Variants in ANHX observed in about 807,000 individuals in gnomAD.
ANHX encodes anomalous homeobox protein.
In ANHX, 20 loss-of-function variants were observed where a neutral mutation model predicts 38.9. That is an observed-to-expected ratio of 0.51 (90% CI 0.36 to 0.75). The LOEUF (loss-of-function observed/expected upper bound fraction) is 0.75, where lower values mean the gene tolerates loss of function less well. Among genes scored for constraint, ANHX ranks in the 30% least tolerant of loss-of-function variants. ANHX has a pLI of 0.00. For missense variants in ANHX, 475 were observed against 493.1 expected, an observed-to-expected ratio of 0.96 and a Z score of 0.35; for synonymous variants, 185 against 203.1, an observed-to-expected ratio of 0.91 and a Z score of 0.76.
At chr12:133,231,747 T>C (rs1957281644) in intron 2 of ANHX, 103 bp from the exon 3 acceptor site, 4 of 1,391,470 alleles carry the variant, frequency 2.9e-6, no homozygotes, top group South Asian at 2.7e-5. Flanking sequence ...GGGAAGGCAG[T>C]GATGGGAAGA....
At chr12:133,219,676 A>G (rs1352349569) in intron 8 of ANHX, among the ~76,000 whole-genome samples, 1 of 152,176 alleles carries the variant, frequency 6.6e-6, no homozygotes, top group Admixed American at 6.5e-5. Flanking sequence ...GCCGGGATGC[A>G]CGGCACAGTC....
At chr12:133,234,086 T>C in intron 2 of ANHX, 22 bp downstream of exon 2, 1 of 1,533,984 alleles carries the variant, frequency 6.5e-7, no homozygotes, top group Non-Finnish European at 8.7e-7. Flanking sequence ...CTCTGTACCC[T>C]ACCCCTGTAG....
At position 133,231,461 on chromosome 12, in the gene ANHX, C is replaced by T. The variant is rs909835614; in HGVS notation, c.377+56G>A. On this transcript the variant is annotated intron_variant, in intron 3 of 9. Coordinates refer to ENST00000545940, the MANE Select transcript of ANHX (RefSeq NM_001372060.1). ...CAGCCCCTCTGGGCTTTGCATGGTA[C>T]ATCTAATCCCTTGGGATCCCCATGA... The T allele has an allele frequency of 5.2e-6, 8 of 1,531,980 alleles. No homozygotes were observed. The African/African-American group carries it at 1.1e-4, about 21-fold the overall frequency. The allele number at this position is 1,531,980 out of a possible 1,614,324, so 94.9% of individuals were successfully genotyped here.
At chr12:133,231,017 C>G (rs955094844) in intron 3 of ANHX, among the ~76,000 whole-genome samples, 1 of 152,328 alleles carries the variant, frequency 6.6e-6, no homozygotes, top group African/African-American at 2.4e-5. Context: ...GTAACTCATG[C>G]TAACACTGGC....
intron 2 of ANHX, among the ~76,000 whole-genome samples, 188 bp downstream of exon 2, chr12:133,233,920 A>C (rs1312707380): frequency 6.6e-6 from 1 of 152,228 alleles, no homozygotes; most frequent in Non-Finnish European, 1.5e-5. Context: ...GTTAGAGCTT[A>C]GTAATGTGAG....
rs1297011085 is a variant in ANHX, at chr12:133,226,957, C to G, written c.697G>C (p.Val233Leu). The change falls in exon 5 of 10, where the codon GTG becomes CTG. Residue 233 changes from valine to leucine, a missense_variant. Coordinates refer to ENST00000545940, the MANE Select transcript of ANHX (RefSeq NM_001372060.1). ...SGNPRVDSGF[V>L]DRPQWSEERE... ...TCACCTGACCACTGAGGCCTGTCCACAAACCCAGAGTCAACACGGGGGTTG... is the reference window on the plus strand; with the variant it reads ...TCACCTGACCACTGAGGCCTGTCCAGAAACCCAGAGTCAACACGGGGGTTG... 1 of 1,530,490 alleles carries G rather than the reference C, an allele frequency of 6.5e-7. No homozygotes were observed. The highest frequency in any genetic ancestry group is 2.0e-5 in the Admixed American group (1 of 50,638). 94.8% of individuals were successfully genotyped at this position (1,530,490 alleles called of 1,614,324 possible). A position where few individuals can be genotyped will look rare whatever the true frequency, so the allele number is the denominator to read the frequency against.
Position 133,218,835 on chromosome 12 carries a change from A to C in ANHX, c.*50T>G, listed in dbSNP as rs567776115. On this transcript the variant is annotated 3_prime_UTR_variant, in exon 10 of 10. Transcript: ENST00000545940. ...GTAACTCCTTGTGTTGACCAGGCAG[A>C]CCATCCACACCCGCTCCTCCTGGGG... 43 of 1,374,502 alleles carry C rather than the reference A, an allele frequency of 3.1e-5. 1 individual carries two copies. The South Asian group carries it at 6.0e-4, about 19-fold the overall frequency. 85.1% of individuals were successfully genotyped at this position (1,374,502 alleles called of 1,614,324 possible).
Position 133,231,637 on chromosome 12 carries a change from T to C in ANHX, c.257A>G (p.Gln86Arg), listed in dbSNP as rs1398566066. The C allele has an allele frequency of 6.5e-7, 1 of 1,535,872 alleles. No homozygotes were observed. The highest frequency in any genetic ancestry group is 8.7e-7 in the Non-Finnish European group (1 of 1,146,916). ...QAACRLLEGC[Q>R]VPGGSQELVQ... ...TAACTCCTGGCTGCCTCCCGGCACC[T>C]GGCACCCCTGCCAAGAAGAGTGTAC... is the stretch of plus-strand genomic sequence containing the variant. The change falls in exon 3 of 10, where the codon CAG becomes CGG. Residue 86 changes from glutamine (Q) to arginine (R), a missense_variant. Transcript: ENST00000545940.
At chr12:133,219,401 C>G (rs1957078169) in intron 8 of ANHX, 34 bp from the exon 9 acceptor site, 4 of 1,415,948 alleles carry the variant, frequency 2.8e-6, no homozygotes, top group Non-Finnish European at 3.8e-6. Flanking sequence ...TAGGCCCTAT[C>G]TCAAGGGGAC....
intron 3 of ANHX, among the ~76,000 whole-genome samples, chr12:133,229,032 A>G (rs1477358038): frequency 1.3e-5 from 2 of 151,850 alleles, no homozygotes. Context: ...TGGCTTCTGA[A>G]CTCTGCACTG....
At position 133,231,541 on chromosome 12, in the gene ANHX, A is replaced by G; in HGVS notation, c.353T>C (p.Val118Ala). 3 of 1,536,128 alleles carry G rather than the reference A, an allele frequency of 2.0e-6. No individual in the cohort carries two copies. The South Asian group carries it at 3.6e-5, about 18-fold the overall frequency. Reference protein sequence around the residue: ...RRLGVAALTPVQKFRCRKRNP... With the variant: ...RRLGVAALTPAQKFRCRKRNP... ...CCTCTTCCTGCAGCGGAACTTCTGC[A>G]CCGGGGTGAGCGCAGCCACGCCCAG... The change falls in exon 3 of 10, where the codon GTG (valine) becomes GCG (alanine). Residue 118 changes from valine to alanine, a missense_variant. By Grantham distance (64) the Val-to-Ala change is moderately conservative. Coordinates refer to ENST00000545940, the MANE Select transcript of ANHX (RefSeq NM_001372060.1).
intron 1 of ANHX, chr12:133,234,592 T>C (rs998599239): frequency 7.3e-5 from 40 of 548,118 alleles, no homozygotes; most frequent in Admixed American, 5.6e-4. Flanking sequence ...ACTTTAGTCC[T>C]TAACGAACAC....
intron 3 of ANHX, among the ~76,000 whole-genome samples, chr12:133,230,303 T>C (rs1957251310): frequency 6.6e-6 from 1 of 152,100 alleles, no homozygotes; most frequent in Non-Finnish European, 1.5e-5. Context: ...TACAATCACA[T>C]CCCCTGAAGA....
At chr12:133,223,883 C>T (rs1957148352) in intron 7 of ANHX, among the ~76,000 whole-genome samples, 1 of 152,034 alleles carries the variant, frequency 6.6e-6, no homozygotes, top group Admixed American at 6.6e-5. Context: ...AATCTAAGAG[C>T]TCCAAAAAAT....
At chr12:133,230,281 C>T (rs1299863216) in intron 3 of ANHX, among the ~76,000 whole-genome samples, 1 of 152,230 alleles carries the variant, frequency 6.6e-6, no homozygotes, top group African/African-American at 2.4e-5. Context: ...TGTCAGCATG[C>T]CCGTGGGGGG....
chr12:133,228,048 G>T lies in ANHX; in HGVS notation c.378-101C>A, dbSNP rs769373470. ...TGCAGAAGGTGACACTTCCTTCCCT[G>T]TGCCTCCTCCTGGGGGATGCCTCTC... On this transcript the variant is annotated intron_variant, in intron 3 of 9. Coordinates refer to ENST00000545940, the MANE Select transcript of ANHX (RefSeq NM_001372060.1). 1.3e-5 allele frequency: 18 copies of T among 1,385,364 alleles called. No homozygotes were observed. In the African/African-American group the frequency reaches 2.3e-4, roughly 18 times the overall value. 85.8% of individuals were successfully genotyped at this position (1,385,364 alleles called of 1,614,324 possible).
chr12:133,223,445 C>CTT lies in ANHX; in HGVS notation c.1132+2089_1132+2090dup, dbSNP rs899014720. The stretch of plus-strand genomic sequence containing the variant: ...CCCAGAGCTTACAGGAGACTTTATT[C>CTT]TTTTTTTTTTTTTTTTTTGAGACGG... On this transcript the variant is annotated intron_variant, in intron 7 of 9. Transcript: ENST00000545940. Among the ~76,000 whole-genome samples the CTT allele has an allele frequency of 3.4e-3, 439 of 130,206 alleles. 3 individuals are homozygous for CTT. The highest frequency in any genetic ancestry group is 9.9e-3 in the African/African-American group (352 of 35,594). 85.4% of individuals were successfully genotyped at this position (130,206 alleles called of 152,430 possible). A position where few individuals can be genotyped will look rare whatever the true frequency, so the allele number is the denominator to read the frequency against.
Position 133,227,857 on chromosome 12 carries a change from C to T in ANHX, c.468G>A (p.Val156=). 2 of 1,535,092 alleles carry T rather than the reference C, an allele frequency of 1.3e-6. No individual in the cohort carries two copies. The highest frequency in any genetic ancestry group is 2.5e-5 in the East Asian group (1 of 40,798). ...EVREKLHNFA[V]GVNTNPSKAE... ...CCTTGCTGGGGTTGGTGTTCACCCC[C>T]ACAGCGAAATTGTGCAGCTTCTCAC... is the stretch of plus-strand genomic sequence containing the variant. The change falls in exon 4 of 10, where the codon GTG becomes GTA. Residue 156 remains valine, a synonymous_variant. Transcript: ENST00000545940.
At chr12:133,234,463 G>C in intron 1 of ANHX, 85 bp from the exon 2 acceptor site, 1 of 1,425,662 alleles carries the variant, frequency 7.0e-7, no homozygotes, top group Non-Finnish European at 9.3e-7. Flanking sequence ...CTGCAAAGCA[G>C]GTGATGCACG....
Sources: allele counts gnomAD v4.1 joint callset (sites outside exome capture counted in the v4.1 genomes callset), GRCh38; gene constraint gnomAD v4.1.1; transcripts MANE v1.5; gene names NCBI Gene and HGNC (gene_info 2026-07-23, HGNC 2026-07-21).